MAML2: variants seen among roughly 807,000 people sequenced by gnomAD.
MAML2 encodes the protein mastermind-like protein 2.
MAML2 carries 22 observed loss-of-function variants against 96.1 expected under a neutral mutation model. The observed-to-expected ratio is 0.23, with a 90% CI of 0.16 to 0.33. The LOEUF is 0.33. Among genes scored for constraint, MAML2 ranks in the 10% least tolerant of loss-of-function variants. The probability of loss-of-function intolerance (pLI) is 1.00; values close to 1 mark genes in which losing one functional copy is unlikely to be tolerated. For missense variants in MAML2, 1,367 were observed against 1,392.4 expected, an observed-to-expected ratio of 0.98 and a Z score of 0.29; for synonymous variants, 561 against 521.3, an observed-to-expected ratio of 1.08 and a Z score of -1.04.
intron 2 of MAML2, among the ~76,000 whole-genome samples, chr11:96,047,910 CAAAAAAAAAA>C (rs71459784): frequency 2.4e-5 from 2 of 82,476 alleles, no homozygotes; most frequent in African/African-American, 8.9e-5. Flanking sequence ...GACTCTGCCT[CAAAAAAAAAA>C]AAAAAAAAAA....
At chr11:96,050,118 C>G (rs1565199702) in intron 2 of MAML2, among the ~76,000 whole-genome samples, 1 of 152,166 alleles carries the variant, frequency 6.6e-6, no homozygotes, top group East Asian at 1.9e-4. Context: ...GGGTAAAACT[C>G]AAAAGATCCT....
At chr11:95,983,779 A>C (rs1857781783) in intron 4 of MAML2, among the ~76,000 whole-genome samples, 1 of 152,234 alleles carries the variant, frequency 6.6e-6, no homozygotes, top group Non-Finnish European at 1.5e-5. Context: ...GTACAGCTGT[A>C]CAATGTGATT....
rs1591136248 is a variant in MAML2, at chr11:96,330,962, T to C, written c.513+10421A>G. Reference sequence around the variant, plus strand: ...GGGGCGTGTGGGGTGGAAGGGATCATTGTGATCATTTAAAAAGCCATCTAC... The same window carrying C: ...GGGGCGTGTGGGGTGGAAGGGATCACTGTGATCATTTAAAAAGCCATCTAC... On this transcript the variant is annotated intron_variant, in intron 1 of 4. Coordinates refer to ENST00000524717, the MANE Select transcript of MAML2 (RefSeq NM_032427.4). 2.6e-5 allele frequency among the ~76,000 whole-genome samples: 4 copies of C among 152,220 alleles called. No homozygotes were observed. In the South Asian group the frequency reaches 6.2e-4, roughly 24 times the overall value.
intron 1 of MAML2, among the ~76,000 whole-genome samples, chr11:96,322,074 G>A (rs551507169): frequency 6.6e-6 from 1 of 152,080 alleles, no homozygotes; most frequent in African/African-American, 2.4e-5. Flanking sequence ...GAAGTTAAAG[G>A]CTCTTAAAAA....
At chr11:96,271,360 G>T (rs945104543) in intron 1 of MAML2, among the ~76,000 whole-genome samples, 2 of 152,182 alleles carry the variant, frequency 1.3e-5, no homozygotes, top group Non-Finnish European at 2.9e-5. Context: ...TGTTGGAAGG[G>T]TGTGATTGTG....
chr11:95,979,898 T>G lies in MAML2; in HGVS notation c.2521A>C (p.Ile841Leu). Residue 841 changes from isoleucine (I) to leucine (L), a missense_variant, in exon 5 of 5, where the codon ATT (isoleucine) becomes CTT (leucine). Transcript: ENST00000524717. The part of the protein sequence containing the change: ...ALANPVSTHT[I>L]LTPNSSLLST... ...AGGAGGCTGGAATTGGGAGTTAAAA[T>G]GGTGTGTGTTGAAACTGGGTTTGCC... 1 of 1,613,914 alleles carries G rather than the reference T, an allele frequency of 6.2e-7. No individual in the cohort carries two copies. Among genetic ancestry groups the G allele is most frequent in the Non-Finnish European group, 8.5e-7 (1 of 1,179,844 alleles).
chr11:96,293,049 A>G (rs1033653576), intron 1 of MAML2, among the ~76,000 whole-genome samples: 2 of 152,378 alleles, frequency 1.3e-5, no homozygotes, highest in South Asian at 4.1e-4. Context: ...AATGTATCAC[A>G]TAGACTATGC....
At chr11:96,259,581 T>C (rs751359409) in intron 1 of MAML2, among the ~76,000 whole-genome samples, 4 of 152,250 alleles carry the variant, frequency 2.6e-5, no homozygotes, top group South Asian at 2.1e-4. Context: ...GAAAACTCTT[T>C]GCAAAATCCA....
chr11:96,006,552 C>CTTTTTTTTTTTTTTT (rs61447709), intron 2 of MAML2, among the ~76,000 whole-genome samples: 1 of 144,764 alleles, frequency 6.9e-6, no homozygotes. Flanking sequence ...ATTGGAGTAT[C>CTTTTTTTTTTTTTTT]TTTTTTTTTT....
chr11:96,248,141 G>T, intron 1 of MAML2, among the ~76,000 whole-genome samples: 1 of 130,758 alleles, frequency 7.6e-6, no homozygotes, highest in African/African-American at 2.9e-5. Context: ...GAGACAGTCT[G>T]GCTCTGTTGC....
At chr11:96,213,649 G>A (rs999436109) in intron 1 of MAML2, among the ~76,000 whole-genome samples, 17 of 152,094 alleles carry the variant, frequency 1.1e-4, no homozygotes, top group Admixed American at 3.3e-4. Context: ...CTGGGAACGG[G>A]CTGATATTTA....
At chr11:96,163,965 C>A (rs113029234) in intron 1 of MAML2, among the ~76,000 whole-genome samples, 3 of 150,520 alleles carry the variant, frequency 2.0e-5, no homozygotes, top group African/African-American at 7.4e-5. Flanking sequence ...CGGGTTCAAG[C>A]GATTCTCCTA....
intron 1 of MAML2, among the ~76,000 whole-genome samples, chr11:96,128,381 G>A (rs1237410605): frequency 2.0e-5 from 3 of 152,076 alleles, no homozygotes; most frequent in Non-Finnish European, 4.4e-5. Context: ...GCAACAGACA[G>A]TGGGAGGCTC....
chr11:96,201,675 T>C (rs1296518459), intron 1 of MAML2, among the ~76,000 whole-genome samples: 2 of 152,162 alleles, frequency 1.3e-5, no homozygotes, highest in Non-Finnish European at 2.9e-5. Context: ...ATCCCAGCAC[T>C]TTGGGAGGCC....
chr11:96,164,247 G>A (rs1861158020), intron 1 of MAML2, among the ~76,000 whole-genome samples: 1 of 152,128 alleles, frequency 6.6e-6, no homozygotes. Flanking sequence ...CTGGTTATGG[G>A]TCAGTCTATC....
intron 1 of MAML2, among the ~76,000 whole-genome samples, chr11:96,173,540 G>A (rs909140973): frequency 1.3e-5 from 2 of 151,216 alleles, no homozygotes; most frequent in South Asian, 2.1e-4. Flanking sequence ...AGCTGAGACT[G>A]AGCTTTATGG....
chr11:96,122,383 A>G (rs1404109260), intron 1 of MAML2, among the ~76,000 whole-genome samples: 1 of 151,976 alleles, frequency 6.6e-6, no homozygotes, highest in African/African-American at 2.4e-5. Context: ...CAGCCTACTT[A>G]AGTGCCCTAC....
intron 1 of MAML2, among the ~76,000 whole-genome samples, chr11:96,168,862 T>C (rs1861235397): frequency 6.6e-6 from 1 of 152,208 alleles, no homozygotes; most frequent in African/African-American, 2.4e-5. Flanking sequence ...TGTGGGGATT[T>C]GAGAAACGTT....
intron 1 of MAML2, among the ~76,000 whole-genome samples, chr11:96,232,276 T>C (rs1464886462): frequency 6.6e-6 from 1 of 152,190 alleles, no homozygotes; most frequent in Non-Finnish European, 1.5e-5. Flanking sequence ...TTTAAACCAC[T>C]AGAGAGTGAT....
Sources: allele counts gnomAD v4.1 joint callset (sites outside exome capture counted in the v4.1 genomes callset), GRCh38; gene constraint gnomAD v4.1.1; transcripts MANE v1.5; gene names NCBI Gene and HGNC (gene_info 2026-07-23, HGNC 2026-07-21).